SLC6A19: variants seen among roughly 807,000 people sequenced by gnomAD.
SLC6A19 encodes the protein solute carrier family 6 member 19.
Under a neutral mutation model 68.3 loss-of-function variants are expected in SLC6A19, and 67 were observed. The observed-to-expected ratio is 0.98, with a 90% CI of 0.81 to 1.20. The LOEUF is 1.20. Among genes scored for constraint, SLC6A19 ranks in the 50% most tolerant of loss-of-function variants. The pLI is 0.00. For synonymous variants in SLC6A19, 392 were observed against 374.9 expected (o/e 1.05, Z -0.53); for missense variants, 813 against 851.6 (o/e 0.95, Z 0.56).
chr5:1,205,094 C>A (rs1319010667), intron 1 of SLC6A19, among the ~76,000 whole-genome samples: 1 of 152,176 alleles, frequency 6.6e-6, no homozygotes, highest in East Asian at 1.9e-4. Flanking sequence ...TACCTGCTTC[C>A]ACCTGAGTGA....
rs753226833 is a variant in SLC6A19, at chr5:1,214,089, C to T, written c.887+24C>T. 2 of 1,613,598 alleles carry T rather than the reference C, an allele frequency of 1.2e-6. No individual in the cohort carries two copies. Among genetic ancestry groups the T allele is most frequent in the Non-Finnish European group, 1.7e-6 (2 of 1,179,948 alleles). ...CAGTGAGTGCGGGTGTGGTGGGCCT[C>T]AGTTTCCCTCTCAGTCCTGGGGGGA... On this transcript the variant is annotated intron_variant, in intron 6 of 11. Coordinates refer to ENST00000304460, the MANE Select transcript of SLC6A19 (RefSeq NM_001003841.3). The surrounding 1 kb of genome is among the most constrained non-coding windows in gnomAD (Gnocchi z 7.4).
In SLC6A19 at chr5:1,222,286, A is replaced by T. The variant is rs1470925597; in HGVS notation, c.*382A>T. The T allele has an allele frequency of 1.8e-6, 1 of 557,344 alleles. No individual in the cohort carries two copies. Among genetic ancestry groups the T allele is most frequent in the African/African-American group, 1.9e-5 (1 of 53,444 alleles). The allele number at this position is 557,344 out of a possible 1,614,324, so 34.5% of individuals were successfully genotyped here. A position where few individuals can be genotyped will look rare whatever the true frequency, so the allele number is the denominator to read the frequency against. ...TTGCTGCCCGTGTGTGTGCATGTAT[A>T]TATAGACATACATGCCTATGTTGTG... is the stretch of plus-strand genomic sequence containing the variant. On this transcript the variant is annotated 3_prime_UTR_variant, in exon 12 of 12. Transcript: ENST00000304460.
intron 1 of SLC6A19, among the ~76,000 whole-genome samples, chr5:1,208,455 C>T (rs937802118): frequency 1.3e-5 from 2 of 152,108 alleles, no homozygotes; most frequent in Admixed American, 6.5e-5. Flanking sequence ...TTGGTCAGAG[C>T]GCGTGAGGCA....
rs1746170313 is a variant in SLC6A19 at position 1,215,053 on chromosome 5, A to G, written c.887+988A>G. On this transcript the variant is annotated intron_variant, in intron 6 of 11. Transcript: ENST00000304460. This position sits in a 1 kb window ranked among gnomAD's most constrained non-coding sequence, Gnocchi z 5.1. ...GAGGGACAGAAAGGACCCTGGAGTC[A>G]TTGTGCGAGCACTGGGTGGAGCAGT... is the stretch of plus-strand genomic sequence containing the variant. 6.6e-6 allele frequency among the ~76,000 whole-genome samples: 1 copy of G among 151,854 alleles called. No individual in the cohort carries two copies. Among genetic ancestry groups the G allele is most frequent in the South Asian group, 2.1e-4 (1 of 4,818 alleles).
rs1444672095 is a variant in SLC6A19 at position 1,201,718 on chromosome 5, C to A, written c.68C>A (p.Thr23Asn). The change falls in exon 1 of 12, where the codon ACC becomes AAC. Residue 23 changes from threonine to asparagine, a missense_variant. Coordinates refer to ENST00000304460, the MANE Select transcript of SLC6A19 (RefSeq NM_001003841.3). The part of the protein sequence containing the change: ...ARIPSLAELE[T>N]IEQEEASSRP... ...ATCCCGTCCCTGGCTGAGCTGGAGACCATCGAGCAGGAGGAGGCCAGCTCC... is the reference window on the plus strand; with the variant it reads ...ATCCCGTCCCTGGCTGAGCTGGAGAACATCGAGCAGGAGGAGGCCAGCTCC... The A allele has an allele frequency of 6.2e-7, 1 of 1,612,374 alleles. No homozygotes were observed. Among genetic ancestry groups the A allele is most frequent in the Admixed American group, 1.7e-5 (1 of 60,010 alleles).
Position 1,214,846 on chromosome 5 carries a change from G to A in SLC6A19, c.887+781G>A, listed in dbSNP as rs1391412210. Among the ~76,000 whole-genome samples, 2 of 146,592 alleles carry A rather than the reference G, an allele frequency of 1.4e-5. No homozygotes were observed. Among genetic ancestry groups the A allele is most frequent in the African/African-American group, 2.5e-5 (1 of 40,210 alleles). ...GGGTAGGGAGGGTGGGGCCTAGACT[G>A]GACGGGGGCCTGGGTAGGGAGGGTG... is the stretch of plus-strand genomic sequence containing the variant. On this transcript the variant is annotated intron_variant, in intron 6 of 11. Transcript: ENST00000304460. This position sits in a 1 kb window ranked among gnomAD's most constrained non-coding sequence, Gnocchi z 7.4.
At position 1,215,090 on chromosome 5, in the gene SLC6A19, C is replaced by G. The variant is rs189509583; in HGVS notation, c.887+1025C>G. Among the ~76,000 whole-genome samples the G allele has an allele frequency of 5.0e-4, 76 of 151,940 alleles. No homozygotes were observed. Among genetic ancestry groups the G allele is most frequent in the African/African-American group, 1.7e-3 (70 of 41,394 alleles). On this transcript the variant is annotated intron_variant, in intron 6 of 11. Transcript: ENST00000304460. The surrounding 1 kb of genome is among the most constrained non-coding windows in gnomAD (Gnocchi z 5.1). ...CTGGGTGGAGCAGTGAAGCCCCACCCAGGCCTCAGGAGCTCCCCTGGGTGC... is the reference window on the plus strand; with the variant it reads ...CTGGGTGGAGCAGTGAAGCCCCACCGAGGCCTCAGGAGCTCCCCTGGGTGC...
intron 1 of SLC6A19, among the ~76,000 whole-genome samples, chr5:1,202,525 G>C (rs1745737430): frequency 6.6e-6 from 1 of 152,218 alleles, no homozygotes. Flanking sequence ...TGGCTCCCAG[G>C]CCTGGCAGGG....
rs1231910599 is a variant in SLC6A19, at chr5:1,214,378, T to A, written c.887+313T>A. Reference sequence around the variant, plus strand: ...GTTCCCTGCTCCACACCCACATCGCTCCCAGCCCACCCCTGGGCATCCCAG... The same window carrying A: ...GTTCCCTGCTCCACACCCACATCGCACCCAGCCCACCCCTGGGCATCCCAG... On this transcript the variant is annotated intron_variant, in intron 6 of 11. Transcript: ENST00000304460. The surrounding 1 kb of genome is among the most constrained non-coding windows in gnomAD (Gnocchi z 7.4). Among the ~76,000 whole-genome samples the A allele has an allele frequency of 6.6e-6, 1 of 151,948 alleles. No individual in the cohort carries two copies. Among genetic ancestry groups the A allele is most frequent in the Non-Finnish European group, 1.5e-5 (1 of 67,946 alleles).
Position 1,212,432 on chromosome 5 carries a change from C to T in SLC6A19, c.611C>T (p.Ala204Val). 5 of 1,611,862 alleles carry T rather than the reference C, an allele frequency of 3.1e-6. No individual in the cohort carries two copies. Among genetic ancestry groups the T allele is most frequent in the Non-Finnish European group, 4.2e-6 (5 of 1,179,930 alleles). Residue 204 changes from alanine (A) to valine (V), a missense_variant, in exon 4 of 12, where the codon GCA (alanine) becomes GTA (valine). Physicochemically the swap from Ala to Val is moderately conservative, Grantham distance 64. Coordinates refer to ENST00000304460, the MANE Select transcript of SLC6A19 (RefSeq NM_001003841.3). This position sits in a 1 kb window ranked among gnomAD's most constrained non-coding sequence, Gnocchi z 5.1. ...TGGATGCTGCTGTGCCTGGCCTGCG[C>T]ATGGAGCGTCCTGTACATGTGCACC... ...QWWMLLCLAC[A>V]WSVLYMCTIR...
intron 6 of SLC6A19, 108 bp from the exon 7 acceptor site, chr5:1,216,450 C>T: frequency 6.5e-7 from 1 of 1,531,790 alleles, no homozygotes; most frequent in Non-Finnish European, 8.9e-7. Flanking sequence ...GTGGCTCAGC[C>T]TCTCACTCCT....
At chr5:1,207,009 G>T (rs557760824) in intron 1 of SLC6A19, among the ~76,000 whole-genome samples, 1 of 152,206 alleles carries the variant, frequency 6.6e-6, no homozygotes, top group African/African-American at 2.4e-5. Context: ...TGGCCCTTCC[G>T]TCCAGCCTGG....
At position 1,222,226 on chromosome 5, in the gene SLC6A19, G is replaced by C; in HGVS notation, c.*322G>C. ...GTACATGTATGGACATTGTGTGAGT[G>C]TGCAAGTGTGCATGCATATACATGT... On this transcript the variant is annotated 3_prime_UTR_variant, in exon 12 of 12. Transcript: ENST00000304460. The C allele has an allele frequency of 1.7e-6, 1 of 583,794 alleles. No individual in the cohort carries two copies. Among genetic ancestry groups the C allele is most frequent in the Admixed American group, 3.1e-5 (1 of 32,522 alleles). The allele number at this position is 583,794 out of a possible 1,614,324, so 36.2% of individuals were successfully genotyped here.
In SLC6A19 at chr5:1,215,747, G is replaced by A. The variant is rs541123936; in HGVS notation, c.888-811G>A. On this transcript the variant is annotated intron_variant, in intron 6 of 11. Coordinates refer to ENST00000304460, the MANE Select transcript of SLC6A19 (RefSeq NM_001003841.3). This position sits in a 1 kb window ranked among gnomAD's most constrained non-coding sequence, Gnocchi z 5.1. ...CATGCTTTCGTTCTTCTGGGTGTGC[G>A]CCTAGGAGTGGAGTTGCTGCGTCAT... 1.1e-4 allele frequency among the ~76,000 whole-genome samples: 16 copies of A among 152,336 alleles called. No homozygotes were observed. Among genetic ancestry groups the A allele is most frequent in the Middle Eastern group, 3.4e-3 (1 of 294 alleles).
Position 1,208,740 on chromosome 5 carries a change from T to C in SLC6A19, c.203-6T>C, listed in dbSNP as rs1745925999. On this transcript the variant is annotated splice_region_variant and splice_polypyrimidine_tract_variant and intron_variant, in intron 1 of 11. Coordinates refer to ENST00000304460, the MANE Select transcript of SLC6A19 (RefSeq NM_001003841.3). ...TCTCAGGCATGGTGGACTCCTCCCA[T>C]TGCAGGAGCCTTCATGATCCCGTTC... 5 of 1,613,306 alleles carry C rather than the reference T, an allele frequency of 3.1e-6. No individual in the cohort carries two copies. The East Asian group carries it at 8.9e-5, about 29-fold the overall frequency.
intron 2 of SLC6A19, 94 bp from the exon 3 acceptor site, chr5:1,210,350 T>C (rs1745989558): frequency 1.3e-6 from 2 of 1,557,496 alleles, no homozygotes; most frequent in Non-Finnish European, 1.7e-6. Context: ...AGCCACACCC[T>C]GTGCCAGCCC....
Position 1,219,252 on chromosome 5 carries a change from CCCCA to C in SLC6A19, c.1378+146_1378+149del, listed in dbSNP as rs1746294784. On this transcript the variant is annotated intron_variant, in intron 9 of 11. Coordinates refer to ENST00000304460, the MANE Select transcript of SLC6A19 (RefSeq NM_001003841.3). ...CTCTGTCCCCGGCCGTGCGTGCAGCCCCCAGGCGTGTGAACAGCTCTGTCCCCGG... is the reference window on the plus strand; with the variant it reads ...CTCTGTCCCCGGCCGTGCGTGCAGCCGGCGTGTGAACAGCTCTGTCCCCGG... 15 of 1,043,602 alleles carry C rather than the reference CCCCA, an allele frequency of 1.4e-5. 1 individual carries two copies. The Admixed American group carries it at 2.3e-4, about 16-fold the overall frequency. 64.6% of individuals were successfully genotyped at this position (1,043,602 alleles called of 1,614,324 possible). A position where few individuals can be genotyped will look rare whatever the true frequency, so the allele number is the denominator to read the frequency against.
In SLC6A19 at chr5:1,212,581, G is replaced by T. The variant is rs1484524650; in HGVS notation, c.663+97G>T. 11 of 1,492,446 alleles carry T rather than the reference G, an allele frequency of 7.4e-6. No homozygotes were observed. The highest frequency in any genetic ancestry group is 2.3e-5 in the East Asian group (1 of 43,452). The allele number at this position is 1,492,446 out of a possible 1,614,324, so 92.5% of individuals were successfully genotyped here. ...TGCACTCTAAAACCCAGGTCTGGGG[G>T]TCCCGGGCTCTGCCTTTCCCCAGAC... On this transcript the variant is annotated intron_variant, in intron 4 of 11. Transcript: ENST00000304460. The surrounding 1 kb of genome is among the most constrained non-coding windows in gnomAD (Gnocchi z 5.1).
Position 1,212,526 on chromosome 5 carries a change from C to G in SLC6A19, c.663+42C>G, listed in dbSNP as rs541926013. On this transcript the variant is annotated intron_variant, in intron 4 of 11. Coordinates refer to ENST00000304460, the MANE Select transcript of SLC6A19 (RefSeq NM_001003841.3). This position sits in a 1 kb window ranked among gnomAD's most constrained non-coding sequence, Gnocchi z 5.1. ...GCCAGGCTGCAGGTGCTCCAGAGGG[C>G]GGGTGCGGGCAGCCCTGCCTCCGGC... is the stretch of plus-strand genomic sequence containing the variant. 2 of 1,599,744 alleles carry G rather than the reference C, an allele frequency of 1.3e-6. No homozygotes were observed. The highest frequency in any genetic ancestry group is 4.5e-5 in the East Asian group (2 of 44,840).
Sources: allele counts gnomAD v4.1 joint callset (sites outside exome capture counted in the v4.1 genomes callset), GRCh38; gene constraint gnomAD v4.1.1; non-coding constraint Gnocchi (gnomAD v3.1); transcripts MANE v1.5; gene names NCBI Gene and HGNC (gene_info 2026-07-23, HGNC 2026-07-21).